THSD7B: variants seen among roughly 807,000 people sequenced by gnomAD.
THSD7B encodes thrombospondin type-1 domain-containing protein 7B.
THSD7B carries 138 observed loss-of-function variants against 213.6 expected under a neutral mutation model. The ratio of observed to expected loss-of-function variants is 0.65; its 90% CI spans 0.56 to 0.74. The LOEUF (loss-of-function observed/expected upper bound fraction) is 0.74. Ranked by LOEUF, THSD7B falls within the 30% of genes least tolerant of loss-of-function variation. THSD7B has a pLI of 0.00. For missense variants in THSD7B, 1,931 were observed against 1,991.5 expected, an observed-to-expected ratio of 0.97 and a Z score of 0.58; for synonymous variants, 742 against 687.0, an observed-to-expected ratio of 1.08 and a Z score of -1.25.
intron 3 of THSD7B, among the ~76,000 whole-genome samples, chr2:137,082,604 T>G (rs1687766009): frequency 6.6e-6 from 1 of 152,144 alleles, no homozygotes; most frequent in Non-Finnish European, 1.5e-5. Flanking sequence ...ATTCTACAAT[T>G]TTGCCATGCA....
chr2:137,456,376 C>T (rs1008275607), intron 15 of THSD7B, among the ~76,000 whole-genome samples: 14 of 152,176 alleles, frequency 9.2e-5, no homozygotes, highest in African/African-American at 2.9e-4. Context: ...ATATTAGCAG[C>T]ATGTTGGGAT....
intron 2 of THSD7B, among the ~76,000 whole-genome samples, chr2:136,962,226 C>T (rs1685231249): frequency 6.6e-6 from 1 of 152,132 alleles, no homozygotes; most frequent in African/African-American, 2.4e-5. Flanking sequence ...ATGCTCCCCT[C>T]AAGCTTGCAG....
rs530547085 is a variant in THSD7B at position 136,946,799 on chromosome 2, G to A, written c.139+64482G>A. Among the ~76,000 whole-genome samples, 714 of 152,264 alleles carry A rather than the reference G, an allele frequency of 4.7e-3. 1 individual carries two copies. Among genetic ancestry groups the A allele is most frequent in the Non-Finnish European group, 6.1e-3 (415 of 67,998 alleles). ...GTGGGACCCACCGAGCCTTGCATAG[G>A]ATATAATCTCCTGATGTACTATTTG... is the stretch of plus-strand genomic sequence containing the variant. On this transcript the variant is annotated intron_variant, in intron 2 of 27. Coordinates refer to ENST00000409968, the MANE Select transcript of THSD7B (RefSeq NM_001316349.2).
At chr2:137,335,215 A>G (rs1393507548) in intron 12 of THSD7B, among the ~76,000 whole-genome samples, 2 of 152,210 alleles carry the variant, frequency 1.3e-5, no homozygotes, top group East Asian at 3.9e-4. Flanking sequence ...TTACAATACA[A>G]CCATTTATAA....
chr2:137,146,432 C>G (rs758745162), intron 5 of THSD7B, among the ~76,000 whole-genome samples: 8 of 152,074 alleles, frequency 5.3e-5, no homozygotes, highest in Non-Finnish European at 1.2e-4. Context: ...GAGTTCAAGT[C>G]TTGCCTCAGC....
intron 12 of THSD7B, among the ~76,000 whole-genome samples, chr2:137,294,023 A>G (rs1033283415): frequency 1.3e-5 from 2 of 152,084 alleles, no homozygotes; most frequent in African/African-American, 4.8e-5. Flanking sequence ...AACTTTCTCC[A>G]AAAGGTCTGT....
intron 12 of THSD7B, among the ~76,000 whole-genome samples, chr2:137,369,121 T>C (rs887317793): frequency 8.1e-6 from 1 of 123,246 alleles, no homozygotes; most frequent in Non-Finnish European, 1.6e-5. Flanking sequence ...GTTTTTGTTG[T>C]TGTTGTTTGG....
At chr2:137,251,118 T>A (rs1417290609) in intron 10 of THSD7B, among the ~76,000 whole-genome samples, 1 of 152,154 alleles carries the variant, frequency 6.6e-6, no homozygotes, top group Non-Finnish European at 1.5e-5. Context: ...CCATGTCAAA[T>A]AAATAGATGC....
At chr2:136,902,414 A>C (rs752700669) in intron 2 of THSD7B, among the ~76,000 whole-genome samples, 30 of 152,174 alleles carry the variant, frequency 2.0e-4, no homozygotes, top group Non-Finnish European at 3.2e-4. Context: ...GCTGGAGGAG[A>C]TCTTCAGCTC....
chr2:137,065,273 A>G (rs1300208762), intron 3 of THSD7B, among the ~76,000 whole-genome samples: 1 of 151,790 alleles, frequency 6.6e-6, no homozygotes, highest in Non-Finnish European at 1.5e-5. Flanking sequence ...ATTTGTAGCA[A>G]TTGTCAGTGG....
intron 15 of THSD7B, among the ~76,000 whole-genome samples, chr2:137,504,135 A>G (rs1192325236): frequency 6.6e-6 from 1 of 152,048 alleles, no homozygotes; most frequent in African/African-American, 2.4e-5. Flanking sequence ...TTTCCCTCTA[A>G]TTACCCTTTA....
At chr2:137,287,293 G>C (rs552488944) in intron 12 of THSD7B, among the ~76,000 whole-genome samples, 200 of 152,174 alleles carry the variant, frequency 1.3e-3, no homozygotes, top group Non-Finnish European at 2.3e-3. Context: ...TTAAAATGTA[G>C]AAATTAGACC....
rs147411531 is a variant in THSD7B at position 137,644,585 on chromosome 2, T to C, written c.3945+1952T>C. On this transcript the variant is annotated intron_variant, in intron 21 of 27. Transcript: ENST00000409968. ...CCTACTTTTCCTGCAGCCTGATTGT[T>C]AACTCTTTGTGAGATAGGTAACACC... Among the ~76,000 whole-genome samples, 12 of 152,350 alleles carry C rather than the reference T, an allele frequency of 7.9e-5. No homozygotes were observed. The East Asian group carries it at 2.3e-3, about 29-fold the overall frequency.
chr2:136,876,365 A>T (rs1649549), intron 1 of THSD7B, among the ~76,000 whole-genome samples: 152,329 of 152,332 alleles, frequency 1, 76,163 homozygotes, highest in Non-Finnish European at 1. Context: ...ATTTAGGTTT[A>T]TTTCAACTGC....
intron 7 of THSD7B, among the ~76,000 whole-genome samples, chr2:137,194,646 A>G (rs2105017787): frequency 6.6e-6 from 1 of 152,306 alleles, no homozygotes; most frequent in East Asian, 1.9e-4. Context: ...CAGGTTTTAT[A>G]CATTGCTTTT....
intron 15 of THSD7B, among the ~76,000 whole-genome samples, chr2:137,546,414 ATT>A (rs1558834310): frequency 0.011 from 361 of 32,982 alleles, 67 homozygotes; most frequent in African/African-American, 0.064. Context: ...TTATATATAT[ATT>A]ATATATATTA....
chr2:136,998,288 A>G (rs1340795600), intron 2 of THSD7B, among the ~76,000 whole-genome samples: 2 of 151,890 alleles, frequency 1.3e-5, no homozygotes, highest in African/African-American at 4.8e-5. Context: ...AAAAGAAAGA[A>G]AAAAAGAAAA....
chr2:137,087,157 T>A (rs1687856132), intron 3 of THSD7B, among the ~76,000 whole-genome samples: 1 of 152,076 alleles, frequency 6.6e-6, no homozygotes, highest in Non-Finnish European at 1.5e-5. Context: ...GCAATATGTA[T>A]AACAAAAATA....
chr2:137,482,626 G>A (rs961940901), intron 15 of THSD7B, among the ~76,000 whole-genome samples: 1 of 152,056 alleles, frequency 6.6e-6, no homozygotes, highest in African/African-American at 2.4e-5. Context: ...AAATATGACT[G>A]GCCATCTGGC....
Sources: gnomAD v4.1 joint callset for allele counts (sites outside exome capture counted in the v4.1 genomes callset) on GRCh38, gnomAD v4.1.1 for gene constraint, MANE v1.5 for transcripts, NCBI Gene and HGNC (gene_info 2026-07-23, HGNC 2026-07-21) for gene names.